MALRD1: variants seen among roughly 807,000 people sequenced by gnomAD.
MALRD1 encodes MAM and LDL receptor class A domain containing 1.
In MALRD1, 247 loss-of-function variants were observed where a neutral mutation model predicts 242.1. That is an observed-to-expected ratio of 1.02 (90% confidence interval 0.92 to 1.13). The LOEUF is 1.13. Ranked by LOEUF, MALRD1 falls within the 50% of genes most tolerant of loss-of-function variation. MALRD1 has a pLI of 0.00. For synonymous variants in MALRD1, 995 were observed against 866.6 expected (o/e 1.15, Z -2.60); for missense variants, 2,989 against 2,533.1 (o/e 1.18, Z -3.86).
At chr10:19,086,916 G>C (rs1835688148) in intron 2 of MALRD1, among the ~76,000 whole-genome samples, 1 of 152,024 alleles carries the variant, frequency 6.6e-6, no homozygotes, top group Admixed American at 6.6e-5. Context: ...TCTTTCTGCA[G>C]CTGCAGGCAT....
chr10:19,525,071 ATTT>A (rs375129603), intron 31 of MALRD1, among the ~76,000 whole-genome samples: 1 of 140,920 alleles, frequency 7.1e-6, no homozygotes. Flanking sequence ...TGCCCAGCTA[ATTT>A]TTTTTTTTTT....
At chr10:19,713,520 G>A (rs117333878) in intron 38 of MALRD1, among the ~76,000 whole-genome samples, 2 of 152,126 alleles carry the variant, frequency 1.3e-5, no homozygotes, top group African/African-American at 4.8e-5. Flanking sequence ...CCATTTTTCT[G>A]GACAGATTCT....
chr10:19,615,776 G>A (rs1464442889), intron 35 of MALRD1, 81 bp from the exon 36 acceptor site: 3 of 1,118,662 alleles, frequency 2.7e-6, no homozygotes, highest in Non-Finnish European at 3.8e-6. Context: ...TAGATTTAAT[G>A]TAATGACAAA....
Position 19,645,363 on chromosome 10 carries a change from C to T in MALRD1, c.6137+29440C>T, listed in dbSNP as rs11010900. On this transcript the variant is annotated intron_variant, in intron 36 of 39. Coordinates refer to ENST00000454679, the MANE Select transcript of MALRD1 (RefSeq NM_001142308.3). Reference sequence around the variant, plus strand: ...GAACTAGAAATACCATTTGAACCAGCGATCCCATTACTGGGTATATACCCA... The same window carrying T: ...GAACTAGAAATACCATTTGAACCAGTGATCCCATTACTGGGTATATACCCA... Among the ~76,000 whole-genome samples the T allele has an allele frequency of 7.6e-3, 1,158 of 152,236 alleles. 16 individuals are homozygous for T. Among genetic ancestry groups the T allele is most frequent in the African/African-American group, 0.025 (1,050 of 41,534 alleles).
rs535135067 is a variant in MALRD1 at position 19,390,059 on chromosome 10, TG to T, written c.4845+454del. Among the ~76,000 whole-genome samples, 525 of 152,248 alleles carry T rather than the reference TG, an allele frequency of 3.4e-3. 4 individuals are homozygous for T. The highest frequency in any genetic ancestry group is 0.012 in the African/African-American group (507 of 41,548). On this transcript the variant is annotated intron_variant, in intron 28 of 39. Transcript: ENST00000454679. Reference sequence around the variant, plus strand: ...CATCTCCTGTGGCTGAAATGATCTATGGGGTTTGGTAAGCTGAGACATGAGA... The same window carrying T: ...CATCTCCTGTGGCTGAAATGATCTATGGGTTTGGTAAGCTGAGACATGAGA...
chr10:19,509,195 T>G (rs1487115204), intron 31 of MALRD1, among the ~76,000 whole-genome samples: 3 of 152,170 alleles, frequency 2.0e-5, no homozygotes, highest in African/African-American at 7.2e-5. Flanking sequence ...CAATAAATAA[T>G]TCATGAATTG....
At chr10:19,286,786 T>C (rs901594458) in intron 21 of MALRD1, among the ~76,000 whole-genome samples, 6 of 151,220 alleles carry the variant, frequency 4.0e-5, no homozygotes, top group Middle Eastern at 3.4e-3. Flanking sequence ...TTCCAATCAA[T>C]AGAAAAGGAG....
chr10:19,407,235 T>G (rs960067136), intron 28 of MALRD1, among the ~76,000 whole-genome samples: 1 of 152,140 alleles, frequency 6.6e-6, no homozygotes, highest in African/African-American at 2.4e-5. Context: ...TTTGGGAAGC[T>G]GAGGCAGAAG....
chr10:19,477,832 CTT>C (rs1836810070), intron 29 of MALRD1, among the ~76,000 whole-genome samples: 1 of 152,126 alleles, frequency 6.6e-6, no homozygotes, highest in Admixed American at 6.6e-5. Flanking sequence ...CCACCGTAAT[CTT>C]TTATTATGCA....
At chr10:19,592,212 C>G (rs530899813) in intron 33 of MALRD1, among the ~76,000 whole-genome samples, 1 of 152,316 alleles carries the variant, frequency 6.6e-6, no homozygotes, top group South Asian at 2.1e-4. Context: ...TAGAAATTCT[C>G]TCAGGAACAT....
chr10:19,510,831 C>G (rs1833370709), intron 31 of MALRD1, among the ~76,000 whole-genome samples: 1 of 152,092 alleles, frequency 6.6e-6, no homozygotes, highest in Non-Finnish European at 1.5e-5. Context: ...AAAAAATAAA[C>G]CAGAAGTGGA....
intron 2 of MALRD1, among the ~76,000 whole-genome samples, chr10:19,078,444 C>T (rs1435781372): frequency 6.6e-6 from 1 of 151,764 alleles, no homozygotes; most frequent in East Asian, 1.9e-4. Flanking sequence ...AAATGTGTTG[C>T]TTGATGTATA....
intron 18 of MALRD1, among the ~76,000 whole-genome samples, chr10:19,227,793 C>G (rs1032016455): frequency 6.6e-6 from 1 of 151,818 alleles, no homozygotes; most frequent in South Asian, 2.1e-4. Context: ...ACATTTTGAC[C>G]TAAATGGGCC....
intron 34 of MALRD1, among the ~76,000 whole-genome samples, chr10:19,602,432 G>A (rs1838402132): frequency 6.8e-6 from 1 of 146,666 alleles, no homozygotes; most frequent in Non-Finnish European, 1.5e-5. Context: ...ATCTATGAGT[G>A]AGAACACGCG....
At chr10:19,493,099 C>T (rs1041671034) in intron 30 of MALRD1, 1 of 152,110 alleles carries the variant, frequency 6.6e-6, no homozygotes, top group Non-Finnish European at 1.5e-5. Context: ...CCACCATCCA[C>T]CTCTAGAACT....
Position 19,155,730 on chromosome 10 carries a change from T to C in MALRD1, c.1656+558T>C, listed in dbSNP as rs73591932. Among the ~76,000 whole-genome samples, 915 of 152,318 alleles carry C rather than the reference T, an allele frequency of 6.0e-3. 11 individuals carry two copies. The highest frequency in any genetic ancestry group is 0.021 in the African/African-American group (877 of 41,570). On this transcript the variant is annotated intron_variant, in intron 12 of 39. Transcript: ENST00000454679. ...TATATTCCTTTTGAGACGCAGTGTC[T>C]ACACCAGAAACATACATGATTGTAT...
At chr10:19,444,329 G>A (rs940721902) in intron 28 of MALRD1, among the ~76,000 whole-genome samples, 2 of 152,152 alleles carry the variant, frequency 1.3e-5, no homozygotes, top group East Asian at 1.9e-4. Flanking sequence ...ATATTGTTAT[G>A]TGTGAATTTG....
intron 33 of MALRD1, among the ~76,000 whole-genome samples, chr10:19,577,299 A>T (rs758036146): frequency 1.3e-5 from 2 of 152,188 alleles, no homozygotes; most frequent in Admixed American, 1.3e-4. Context: ...GTGGGTCATG[A>T]AGTCCTTACT....
chr10:19,325,075 T>G (rs181596415), intron 22 of MALRD1, among the ~76,000 whole-genome samples: 2 of 142,898 alleles, frequency 1.4e-5, no homozygotes, highest in African/African-American at 5.1e-5. Context: ...ATGTTCTAAC[T>G]CAATTATTCT....
Sources: allele counts gnomAD v4.1 joint callset (sites outside exome capture counted in the v4.1 genomes callset), GRCh38; gene constraint gnomAD v4.1.1; transcripts MANE v1.5; gene names NCBI Gene and HGNC (gene_info 2026-07-23, HGNC 2026-07-21).